Variants in CTNNA2 observed in about 807,000 individuals in gnomAD.
The protein encoded by CTNNA2 is catenin alpha-2.
CTNNA2 carries 42 observed loss-of-function variants against 101.0 expected under a neutral mutation model. That is an observed-to-expected ratio of 0.42 (90% CI 0.32 to 0.54). CTNNA2 has a LOEUF of 0.54. Among genes scored for constraint, CTNNA2 ranks in the 20% least tolerant of loss-of-function variants. The pLI is 0.14. For synonymous variants in CTNNA2, 450 were observed against 456.4 expected (o/e 0.99, Z 0.18); for missense variants, 871 against 1,223.1 (o/e 0.71, Z 4.29).
chr2:80,574,018 T>A (rs1263515541), intron 12 of CTNNA2, 145 bp from the exon 13 acceptor site: 1 of 703,830 alleles, frequency 1.4e-6, no homozygotes, highest in Non-Finnish European at 2.4e-6. Flanking sequence ...ACTACTAAAT[T>A]GGGCTCACTT....
At chr2:79,651,789 T>G (rs1016571060) in intron 2 of CTNNA2, 131 bp downstream of exon 2, 2 of 741,424 alleles carry the variant, frequency 2.7e-6, no homozygotes, top group Non-Finnish European at 4.5e-6. Context: ...GAATATATAT[T>G]ACTGCCTGAA....
At chr2:79,477,886 C>T (rs1409866735) in intron 4 of CTNNA2, among the ~76,000 whole-genome samples, 1 of 152,202 alleles carries the variant, frequency 6.6e-6, no homozygotes, top group Non-Finnish European at 1.5e-5. Flanking sequence ...TTTAACTTTG[C>T]TCTGTGGGAC....
chr2:79,294,243 AGGAG>A (rs1558610756), intron 2 of CTNNA2, among the ~76,000 whole-genome samples: 7 of 135,202 alleles, frequency 5.2e-5, no homozygotes, highest in South Asian at 2.6e-4. Flanking sequence ...GAAGAAGAGG[AGGAG>A]GAGGAGGAGG....
intron 4 of CTNNA2, among the ~76,000 whole-genome samples, chr2:79,384,402 CTCTCT>C (rs1558654338): frequency 5.3e-4 from 40 of 75,256 alleles, no homozygotes; most frequent in African/African-American, 1.3e-3. Context: ...CTCTCTCTCT[CTCTCT>C]CTCTCTCTCT....
At chr2:79,557,809 C>G (rs1232581784) in intron 1 of CTNNA2, among the ~76,000 whole-genome samples, 1 of 151,870 alleles carries the variant, frequency 6.6e-6, no homozygotes, top group Non-Finnish European at 1.5e-5. Flanking sequence ...GATTGGCTTC[C>G]TAAACTGGTA....
intron 6 of CTNNA2, among the ~76,000 whole-genome samples, chr2:79,899,087 AAC>A (rs559512386): frequency 1.1e-3 from 169 of 152,300 alleles, no homozygotes; most frequent in Non-Finnish European, 2.0e-3. Context: ...TTGTGTTCAA[AAC>A]ACACAGAGCT....
chr2:80,373,341 A>C (rs1675628336), intron 7 of CTNNA2, among the ~76,000 whole-genome samples: 1 of 152,172 alleles, frequency 6.6e-6, no homozygotes, highest in South Asian at 2.1e-4. Flanking sequence ...ACAGCTACCC[A>C]CTGCTTGCTT....
chr2:80,182,743 GA>G (rs1705860432), intron 7 of CTNNA2, among the ~76,000 whole-genome samples: 1 of 152,190 alleles, frequency 6.6e-6, no homozygotes, highest in African/African-American at 2.4e-5. Flanking sequence ...TTTTTATGGC[GA>G]AAAAGCCAGC....
chr2:80,385,443 A>G (rs979984607), intron 7 of CTNNA2, among the ~76,000 whole-genome samples: 8 of 152,240 alleles, frequency 5.3e-5, no homozygotes, highest in Non-Finnish European at 1.2e-4. Context: ...AGGTCTGCCA[A>G]TGCTTTAATC....
Position 79,873,991 on chromosome 2 carries a change from TAA to T in CTNNA2, c.586-84_586-83del, listed in dbSNP as rs898859815. The T allele has an allele frequency of 3.9e-6, 6 of 1,543,784 alleles. No homozygotes were observed. The Admixed American group carries it at 1.1e-4, about 29-fold the overall frequency. ...GGGTTTCTGAAGTTCAGTGTGTTAC[TAA>T]GAGTCTGTGACTCCAAACTGTGTTG... On this transcript the variant is annotated intron_variant, in intron 5 of 18. Transcript: ENST00000402739.
intron 8 of CTNNA2, among the ~76,000 whole-genome samples, chr2:80,393,717 A>C (rs990899168): frequency 6.6e-6 from 1 of 152,342 alleles, no homozygotes; most frequent in Non-Finnish European, 1.5e-5. Context: ...GGGTTAATTA[A>C]GGTCTCTTGG....
intron 7 of CTNNA2, among the ~76,000 whole-genome samples, chr2:80,163,732 T>G (rs1704482902): frequency 6.6e-6 from 1 of 152,112 alleles, no homozygotes. Context: ...TCTACAGCAA[T>G]AATTGTAGAG....
chr2:80,013,986 G>A (rs1198412773), intron 7 of CTNNA2, among the ~76,000 whole-genome samples: 3 of 152,102 alleles, frequency 2.0e-5, no homozygotes, highest in Non-Finnish European at 4.4e-5. Flanking sequence ...AGTTCAGTAA[G>A]GAGAATTAGA....
chr2:79,623,982 A>ATC (rs145270637), intron 1 of CTNNA2, among the ~76,000 whole-genome samples: 10 of 151,148 alleles, frequency 6.6e-5, no homozygotes, highest in Non-Finnish European at 1.3e-4. Flanking sequence ...TATGGAAGAC[A>ATC]TCTCTCTCTC....
chr2:80,536,937 G>T (rs1326553034), intron 9 of CTNNA2, among the ~76,000 whole-genome samples: 2 of 152,166 alleles, frequency 1.3e-5, no homozygotes, highest in African/African-American at 4.8e-5. Flanking sequence ...TTTAACTTCT[G>T]GGATACGTGT....
At chr2:80,369,046 A>G (rs1265248249) in intron 7 of CTNNA2, among the ~76,000 whole-genome samples, 2 of 151,912 alleles carry the variant, frequency 1.3e-5, no homozygotes, top group South Asian at 4.2e-4. Flanking sequence ...TCAGAGCAAT[A>G]CTTTGAAGAA....
chr2:79,746,890 C>T (rs1573860639), intron 3 of CTNNA2, among the ~76,000 whole-genome samples: 1 of 152,126 alleles, frequency 6.6e-6, no homozygotes. Flanking sequence ...GAGACCAGAC[C>T]ATGTCTCTTT....
chr2:79,899,605 G>A (rs1002219403), intron 6 of CTNNA2, among the ~76,000 whole-genome samples: 5 of 152,230 alleles, frequency 3.3e-5, no homozygotes, highest in Non-Finnish European at 7.3e-5. Context: ...TCTAAGGATA[G>A]AAAGTGCTGT....
chr2:79,199,666 G>C (rs1261865724), intron 2 of CTNNA2, among the ~76,000 whole-genome samples: 1 of 152,130 alleles, frequency 6.6e-6, no homozygotes, highest in East Asian at 1.9e-4. Flanking sequence ...AAATACCATA[G>C]ACTAGGTGAC....
Sources: allele counts gnomAD v4.1 joint callset (sites outside exome capture counted in the v4.1 genomes callset), GRCh38; gene constraint gnomAD v4.1.1; transcripts MANE v1.5; gene names NCBI Gene and HGNC (gene_info 2026-07-23, HGNC 2026-07-21).